The following ATP9B variants were observed in gnomAD, a reference collection of about 807,000 sequenced individuals.
ATP9B encodes the protein probable phospholipid-transporting ATPase IIB.
ATP9B carries 110 observed loss-of-function variants against 146.1 expected under a neutral mutation model. That is an observed-to-expected ratio of 0.75 (90% confidence interval 0.65 to 0.88). The LOEUF is 0.88. ATP9B is among the 40% of genes least tolerant of loss of function. ATP9B has a pLI of 0.00. For missense variants in ATP9B, 1,499 were observed against 1,496.4 expected, an observed-to-expected ratio of 1.00 and a Z score of -0.03; for synonymous variants, 604 against 569.7, an observed-to-expected ratio of 1.06 and a Z score of -0.86.
At chr18:79,080,788 A>G (rs1008155356) in intron 1 of ATP9B, among the ~76,000 whole-genome samples, 4 of 152,228 alleles carry the variant, frequency 2.6e-5, no homozygotes, top group Non-Finnish European at 5.9e-5. Context: ...ATTTTGAGAT[A>G]CATTCCATCA....
intron 26 of ATP9B, chr18:79,362,267 T>G (rs965620278): frequency 1.3e-5 from 2 of 152,316 alleles, no homozygotes; most frequent in African/African-American, 2.4e-5. Flanking sequence ...CTTATTGTCC[T>G]AATGAGTTAG....
intron 10 of ATP9B, among the ~76,000 whole-genome samples, chr18:79,209,221 G>T (rs140985567): frequency 2.3e-4 from 35 of 152,184 alleles, no homozygotes; most frequent in Admixed American, 1.5e-3. Flanking sequence ...GTAGTTACAC[G>T]AAAGCATTTA....
At chr18:79,291,577 C>T (rs2096503722) in intron 13 of ATP9B, among the ~76,000 whole-genome samples, 1 of 152,146 alleles carries the variant, frequency 6.6e-6, no homozygotes, top group African/African-American at 2.4e-5. Flanking sequence ...GTGCCACTCA[C>T]CTGAAGGAAT....
chr18:79,342,405 T>C (rs2096864266), intron 20 of ATP9B, 39 bp downstream of exon 20: 2 of 1,404,282 alleles, frequency 1.4e-6, no homozygotes, highest in Non-Finnish European at 2.0e-6. Flanking sequence ...TTTTAAACAT[T>C]TGTCTCACAC....
intron 13 of ATP9B, among the ~76,000 whole-genome samples, chr18:79,300,599 G>A (rs1299609265): frequency 1.3e-5 from 2 of 152,160 alleles, no homozygotes; most frequent in Non-Finnish European, 2.9e-5. Flanking sequence ...CCGGGGCTGC[G>A]GGGCCGTGGA....
chr18:79,373,824 TG>T, intron 27 of ATP9B, 73 bp from the exon 28 acceptor site: 1 of 1,509,504 alleles, frequency 6.6e-7, no homozygotes, highest in Non-Finnish European at 9.2e-7. Context: ...GTGACGTTGC[TG>T]GTTCAAGGCT....
intron 11 of ATP9B, among the ~76,000 whole-genome samples, chr18:79,217,542 C>G (rs2095639363): frequency 6.6e-6 from 1 of 152,174 alleles, no homozygotes; most frequent in South Asian, 2.1e-4. Flanking sequence ...GAAATATATA[C>G]TTAAATATTT....
chr18:79,183,002 C>G (rs866084424), intron 8 of ATP9B, among the ~76,000 whole-genome samples: 1 of 152,182 alleles, frequency 6.6e-6, no homozygotes, highest in African/African-American at 2.4e-5. Context: ...AAAAAACCTG[C>G]CAGTCTGCAT....
chr18:79,147,913 G>T (rs2094617810), intron 6 of ATP9B, among the ~76,000 whole-genome samples: 1 of 152,104 alleles, frequency 6.6e-6, no homozygotes, highest in Non-Finnish European at 1.5e-5. Flanking sequence ...TAATAAAATT[G>T]ATAGACCTTT....
chr18:79,322,591 G>A (rs2096722186), intron 15 of ATP9B, among the ~76,000 whole-genome samples: 1 of 152,202 alleles, frequency 6.6e-6, no homozygotes, highest in Admixed American at 6.5e-5. Context: ...AACAAAGCAT[G>A]AAAATTACAA....
At chr18:79,361,263 C>T (rs1468321293) in intron 26 of ATP9B, 2 of 152,192 alleles carry the variant, frequency 1.3e-5, no homozygotes, top group Non-Finnish European at 2.9e-5. Context: ...AGATTGTACG[C>T]ACCAGTCTCT....
At chr18:79,130,942 C>T (rs1249568490) in intron 5 of ATP9B, among the ~76,000 whole-genome samples, 2 of 152,174 alleles carry the variant, frequency 1.3e-5, no homozygotes, top group African/African-American at 4.8e-5. Context: ...AGGTGGATAA[C>T]TTGAGGTTAG....
rs1304595369 is a variant in ATP9B at position 79,157,411 on chromosome 18, A to AAAAACAACAAC, written c.778+2860_778+2861insCAACAACAAAA. Reference sequence around the variant, plus strand: ...AACTCCATCTCAAAAAAAAAAAAAAAAAAAAAAAAAAAACATGTATTGACT... The same window carrying AAAAACAACAAC: ...AACTCCATCTCAAAAAAAAAAAAAAAAAAACAACAACAAAAAAAAAAAAACATGTATTGACT... On this transcript the variant is annotated intron_variant, in intron 7 of 29. Transcript: ENST00000426216. Among the ~76,000 whole-genome samples the AAAAACAACAAC allele has an allele frequency of 2.0e-5, 3 of 149,274 alleles. No individual in the cohort carries two copies. In the South Asian group the frequency reaches 6.4e-4, roughly 32 times the overall value.
At chr18:79,202,751 A>G (rs1220588535) in intron 9 of ATP9B, among the ~76,000 whole-genome samples, 1 of 152,262 alleles carries the variant, frequency 6.6e-6, no homozygotes, top group Non-Finnish European at 1.5e-5. Flanking sequence ...GCCATTCCAG[A>G]ACTGAAAGAA....
rs777312623 is a variant in ATP9B, at chr18:79,253,379, A to C, written c.1108-2A>C. ...TTCATGTATTATGTGTTTTTCTTTC[A>C]GGTTGGTTTGTTGGACCTTGAACTC... On this transcript the variant is annotated splice_acceptor_variant, in intron 11 of 29. Transcript: ENST00000426216. LOFTEE classifies it high-confidence loss of function. The C allele has an allele frequency of 6.2e-7, 1 of 1,602,890 alleles. No homozygotes were observed. Among genetic ancestry groups the C allele is most frequent in the South Asian group, 1.1e-5 (1 of 88,258 alleles).
In ATP9B at chr18:79,177,565, G is replaced by C. The variant is rs575245392; in HGVS notation, c.873+658G>C. Among the ~76,000 whole-genome samples, 11 of 152,130 alleles carry C rather than the reference G, an allele frequency of 7.2e-5. No homozygotes were observed. In the South Asian group the frequency reaches 2.3e-3, roughly 32 times the overall value. On this transcript the variant is annotated intron_variant, in intron 8 of 29. Coordinates refer to ENST00000426216, the MANE Select transcript of ATP9B (RefSeq NM_198531.5). Reference sequence around the variant, plus strand: ...GTGATAAATTTTTATTTCTTATTTGGCTGTGTGCTCCTCTCCTTTGCGACT... The same window carrying C: ...GTGATAAATTTTTATTTCTTATTTGCCTGTGTGCTCCTCTCCTTTGCGACT...
chr18:79,199,711 C>T (rs921280459), intron 9 of ATP9B, among the ~76,000 whole-genome samples: 2 of 151,228 alleles, frequency 1.3e-5, no homozygotes, highest in Admixed American at 1.3e-4. Flanking sequence ...TTGCAGTGAG[C>T]TGAGATTGTG....
At chr18:79,375,582 G>C in intron 29 of ATP9B, 156 bp downstream of exon 29, 1 of 985,210 alleles carries the variant, frequency 1.0e-6, no homozygotes, top group South Asian at 4.7e-5. Flanking sequence ...GTGCTTGCTC[G>C]GCTAGTCATG....
In ATP9B at chr18:79,096,500, G is replaced by C. The variant is rs200024987; in HGVS notation, c.144G>C (p.Ala48=). 3 of 1,613,962 alleles carry C rather than the reference G, an allele frequency of 1.9e-6. No homozygotes were observed. The highest frequency in any genetic ancestry group is 2.5e-6 in the Non-Finnish European group (3 of 1,179,956). The change falls in exon 2 of 30, where the codon GCG becomes GCC. Residue 48 remains alanine (A), a synonymous_variant. Transcript: ENST00000426216. ...HSRYQLEDES[A]HLDEMPLMMS... is the part of the protein sequence containing the mutation. ...GGTACCAGCTGGAGGATGAGTCTGC[G>C]CATTTGGATGAAATGCCACTAATGA...
Sources: gnomAD v4.1 joint callset for allele counts (sites outside exome capture counted in the v4.1 genomes callset) on GRCh38, gnomAD v4.1.1 for gene constraint, MANE v1.5 for transcripts, NCBI Gene and HGNC (gene_info 2026-07-23, HGNC 2026-07-21) for gene names.